Variants in GIGYF1 observed in about 807,000 individuals in gnomAD.
The protein encoded by GIGYF1 is GRB10-interacting GYF protein 1.
Under a neutral mutation model 147.1 loss-of-function variants are expected in GIGYF1, and 84 were observed. The observed-to-expected ratio is 0.57, with a 90% CI of 0.48 to 0.68. The LOEUF (loss-of-function observed/expected upper bound fraction) is 0.68, where lower values mean the gene tolerates loss of function less well. Ranked by LOEUF, GIGYF1 falls within the 30% of genes least tolerant of loss-of-function variation. The pLI is 0.00. For missense variants in GIGYF1, 1,485 were observed against 1,393.7 expected (o/e 1.07, Z -1.04); for synonymous variants, 752 against 589.5 (o/e 1.28, Z -3.99).
At chr7:100,693,180 C>T (rs1049078446) in intron 1 of GIGYF1, among the ~76,000 whole-genome samples, 2 of 152,144 alleles carry the variant, frequency 1.3e-5, no homozygotes, top group Non-Finnish European at 1.5e-5. Flanking sequence ...TGTAGCATCT[C>T]CTAGTTCCTA....
Position 100,685,990 on chromosome 7 carries a change from C to T in GIGYF1, c.1038G>A (p.Glu346=), listed in dbSNP as rs1805292533. 6.2e-7 allele frequency: 1 copy of T among 1,612,364 alleles called. No homozygotes were observed. The highest frequency in any genetic ancestry group is 8.5e-7 in the Non-Finnish European group (1 of 1,179,958). Reference sequence around the variant, plus strand: ...GCGGCTCACCTGCCTCAGGCCCTTCCTCCTCTAGCCCTTCGGAAGGTTCCT... The same window carrying T: ...GCGGCTCACCTGCCTCAGGCCCTTCTTCCTCTAGCCCTTCGGAAGGTTCCT... ...EEEEPSEGLE[E]EGPEAGGKEL... Residue 346 remains glutamate, a synonymous_variant, in exon 12 of 27, where the codon GAG becomes GAA. Transcript: ENST00000678049.
chr7:100,682,729 C>A lies in GIGYF1; in HGVS notation c.2461G>T (p.Ala821Ser), dbSNP rs1329514418. Residue 821 changes from alanine (A) to serine (S), a missense_variant, in exon 23 of 27, where the codon GCT (alanine) becomes TCT (serine). Physicochemically the swap from Ala to Ser is moderately conservative, Grantham distance 99. Transcript: ENST00000678049. Reference protein sequence around the residue: ...TAPLNQWVSEAGPLWGGPDKS... With the variant: ...TAPLNQWVSESGPLWGGPDKS... ...TCTGGCCCGCCCCACAGTGGCCCAG[C>A]CTCAGACACCCACTGGTTCAGGGGG... 3 of 1,561,568 alleles carry A rather than the reference C, an allele frequency of 1.9e-6. No homozygotes were observed. The highest frequency in any genetic ancestry group is 2.6e-6 in the Non-Finnish European group (3 of 1,155,360).
rs1468964842 is a variant in GIGYF1, at chr7:100,680,464, GCCT to G, written c.*1252_*1254del. ...AAGTGGGTGAGCAATAGAAGGGGCA[GCCT>G]CCTCTGACCCAGGAGCCGCACACTT... On this transcript the variant is annotated 3_prime_UTR_variant, in exon 27 of 27. Coordinates refer to ENST00000678049, the MANE Select transcript of GIGYF1 (RefSeq NM_001375765.1). 8 of 152,578 alleles carry G rather than the reference GCCT, an allele frequency of 5.2e-5. No homozygotes were observed. Among genetic ancestry groups the G allele is most frequent in the East Asian group, 3.8e-4 (2 of 5,196 alleles). The allele number at this position is 152,578 out of a possible 1,614,324, so 9.5% of individuals were successfully genotyped here.
At chr7:100,686,486 G>A (rs111505406) in intron 10 of GIGYF1, 53 bp from the exon 11 acceptor site, 10 of 1,534,804 alleles carry the variant, frequency 6.5e-6, no homozygotes, top group African/African-American at 2.7e-5. Flanking sequence ...CGAAGCCAGC[G>A]GCCCCCTCTG....
chr7:100,686,291 T>A lies in GIGYF1; in HGVS notation c.837A>T (p.Arg279=). Residue 279 remains arginine (R), a synonymous_variant, in exon 11 of 27, where the codon CGA becomes CGT. Transcript: ENST00000678049. ...TGTCCTCCTCAAAGCCTTCAGGCGC[T>A]CGGCACCGCCGCAGGTGAGAGCTGC... ...GGGSSHLRRC[R]APEGFEEDKD... 2 of 1,614,006 alleles carry A rather than the reference T, an allele frequency of 1.2e-6. No individual in the cohort carries two copies. Among genetic ancestry groups the A allele is most frequent in the Non-Finnish European group, 1.7e-6 (2 of 1,179,974 alleles).
rs766962523 is a variant in GIGYF1, at chr7:100,685,091, G to A, written c.1248C>T (p.Pro416=). The stretch of plus-strand genomic sequence containing the variant: ...AGCCTTCATCATCCTCCAGATCTCC[G>A]GGTGGGCCAGCAGAGGAGCCCACCC... ...SPGVGSSAGP[P]GDLEDDEGLK... Residue 416 remains proline (P), a synonymous_variant, in exon 14 of 27, where the codon CCC becomes CCT. Transcript: ENST00000678049. 10 of 1,580,436 alleles carry A rather than the reference G, an allele frequency of 6.3e-6. No homozygotes were observed. In the East Asian group the frequency reaches 6.9e-5, roughly 11 times the overall value.
intron 1 of GIGYF1, among the ~76,000 whole-genome samples, chr7:100,692,183 T>C (rs570502772): frequency 6.6e-6 from 1 of 152,370 alleles, no homozygotes; most frequent in East Asian, 1.9e-4. Context: ...GTGAGGACGC[T>C]GAGGCTTAAA....
At chr7:100,687,191 C>G in intron 8 of GIGYF1, 107 bp downstream of exon 8, 2 of 1,456,212 alleles carry the variant, frequency 1.4e-6, no homozygotes, top group South Asian at 1.2e-5. Context: ...GCACCGGGAT[C>G]TCGGACAGGG....
intron 20 of GIGYF1, 36 bp from the exon 21 acceptor site, chr7:100,683,480 G>C (rs1414283981): frequency 3.1e-6 from 5 of 1,614,036 alleles, no homozygotes; most frequent in Non-Finnish European, 4.2e-6. Flanking sequence ...GAGAGCTGCA[G>C]GGGACAGCCT....
Position 100,687,856 on chromosome 7 carries a change from A to T in GIGYF1, c.193T>A (p.Phe65Ile). The T allele has an allele frequency of 6.2e-7, 1 of 1,612,722 alleles. No homozygotes were observed. The highest frequency in any genetic ancestry group is 8.5e-7 in the Non-Finnish European group (1 of 1,179,898). The change falls in exon 6 of 27, where the codon TTC becomes ATC. Residue 65 changes from phenylalanine to isoleucine, a missense_variant. Phe to Ile is a conservative substitution (Grantham distance 21, BLOSUM62 0). Coordinates refer to ENST00000678049, the MANE Select transcript of GIGYF1 (RefSeq NM_001375765.1). ...GGCTCGTCCTGCAGCACCGCGGCGA[A>T]CTCCTTGTCCTGCAGCTCTTCCGGG... The part of the protein sequence containing the change: ...KVPEELQDKE[F>I]AAVLQDEPLQ...
At chr7:100,692,979 G>A (rs943977819) in intron 1 of GIGYF1, among the ~76,000 whole-genome samples, 1 of 152,168 alleles carries the variant, frequency 6.6e-6, no homozygotes, top group Non-Finnish European at 1.5e-5. Flanking sequence ...TGGTACCACC[G>A]ATGGTGTTTC....
chr7:100,686,582 G>A (rs950096992), intron 10 of GIGYF1, 67 bp downstream of exon 10: 44 of 1,542,104 alleles, frequency 2.9e-5, no homozygotes, highest in Non-Finnish European at 3.6e-5. Context: ...GGCTACAGGA[G>A]CCCACCCTCT....
chr7:100,682,490 G>C lies in GIGYF1; in HGVS notation c.2601-8C>G. On this transcript the variant is annotated splice_polypyrimidine_tract_variant and splice_region_variant and intron_variant, in intron 23 of 26. Transcript: ENST00000678049. Reference sequence around the variant, plus strand: ...AGGTGGCTGTATGAGTCACTGAAGGGGGAGGGTGAGTCAGGGTTGGAAATC... The same window carrying C: ...AGGTGGCTGTATGAGTCACTGAAGGCGGAGGGTGAGTCAGGGTTGGAAATC... The C allele has an allele frequency of 1.9e-6, 3 of 1,610,524 alleles. No homozygotes were observed. The highest frequency in any genetic ancestry group is 1.7e-6 in the Non-Finnish European group (2 of 1,179,792).
In GIGYF1 at chr7:100,682,212, T is replaced by G; in HGVS notation, c.2785A>C (p.Lys929Gln). Reference sequence around the variant, plus strand: ...ACATCATAGGGGGATTCCACCTCCTTGAGGATCGCTACAGCCATGGGCACT... The same window carrying G: ...ACATCATAGGGGGATTCCACCTCCTGGAGGATCGCTACAGCCATGGGCACT... ...LDVPMAVAIL[K>Q]EVESPYDVHD... Residue 929 changes from lysine to glutamine, a missense_variant, in exon 25 of 27, where the codon AAG (lysine) becomes CAG (glutamine). Coordinates refer to ENST00000678049, the MANE Select transcript of GIGYF1 (RefSeq NM_001375765.1). 2 of 1,612,782 alleles carry G rather than the reference T, an allele frequency of 1.2e-6. No individual in the cohort carries two copies. Among genetic ancestry groups the G allele is most frequent in the Non-Finnish European group, 1.7e-6 (2 of 1,179,862 alleles).
At position 100,684,799 on chromosome 7, in the gene GIGYF1, T is replaced by C. The variant is rs746576590; in HGVS notation, c.1386A>G (p.Ala462=). 14 of 1,611,312 alleles carry C rather than the reference T, an allele frequency of 8.7e-6. No homozygotes were observed. The highest frequency in any genetic ancestry group is 1.2e-5 in the Non-Finnish European group (14 of 1,179,078). ...GGCTGAGCGGGAGGGCAGTGGCGGC[T>C]GCAGAGTGGCGCAGGCCCTGGGTCT... ...AMQTQGLRHS[A]AATALPLSHG... The change falls in exon 15 of 27, where the codon GCA becomes GCG. Residue 462 remains alanine (A), a synonymous_variant. Transcript: ENST00000678049.
chr7:100,690,006 G>C (rs1180002876), intron 1 of GIGYF1, among the ~76,000 whole-genome samples: 2 of 152,238 alleles, frequency 1.3e-5, no homozygotes, highest in Non-Finnish European at 2.9e-5. Flanking sequence ...GAAGGGTCCA[G>C]AGCCTCAACT....
Position 100,682,782 on chromosome 7 carries a change from A to G in GIGYF1, c.2413-5T>C. 6.6e-7 allele frequency: 1 copy of G among 1,519,110 alleles called. No individual in the cohort carries two copies. Among genetic ancestry groups the G allele is most frequent in the Non-Finnish European group, 8.8e-7 (1 of 1,135,752 alleles). The allele number at this position is 1,519,110 out of a possible 1,614,324, so 94.1% of individuals were successfully genotyped here. A position where few individuals can be genotyped will look rare whatever the true frequency, so the allele number is the denominator to read the frequency against. ...AGTGCCCAGGCCCCCAAGCTGCTACAGATGGCAGAAGATCAGAGTGGCTCA... is the reference window on the plus strand; with the variant it reads ...AGTGCCCAGGCCCCCAAGCTGCTACGGATGGCAGAAGATCAGAGTGGCTCA... On this transcript the variant is annotated splice_polypyrimidine_tract_variant and splice_region_variant and intron_variant, in intron 22 of 26. Coordinates refer to ENST00000678049, the MANE Select transcript of GIGYF1 (RefSeq NM_001375765.1).
In GIGYF1 at chr7:100,685,336, C is replaced by CTT. The variant is rs572029732; in HGVS notation, c.1192+6_1192+7dup. 10 of 1,591,910 alleles carry CTT rather than the reference C, an allele frequency of 6.3e-6. No individual in the cohort carries two copies. The Admixed American group carries it at 1.9e-4, about 30-fold the overall frequency. On this transcript the variant is annotated splice_region_variant and intron_variant, in intron 13 of 26. Transcript: ENST00000678049. ...GCACCCGGGAGGTAGGCCATCCTCC[C>CTT]TTCCTACCTTCGGCCGCTGGGGGCT...
In GIGYF1 at chr7:100,684,263, GTGCTGCAGC is replaced by G; in HGVS notation, c.1695_1703del (p.Gln565_Gln567del). 1 of 1,609,386 alleles carries G rather than the reference GTGCTGCAGC, an allele frequency of 6.2e-7. No homozygotes were observed. The highest frequency in any genetic ancestry group is 8.5e-7 in the Non-Finnish European group (1 of 1,178,758). ...TGCTGACCAGCTGGAGAAACTGCTGGTGCTGCAGCTGCTGGTACAAGGCCGCCGCGGCCA... is the reference window on the plus strand; with the variant it reads ...TGCTGACCAGCTGGAGAAACTGCTGGTGCTGGTACAAGGCCGCCGCGGCCA... On this transcript the variant is annotated inframe_deletion, in exon 17 of 27. Transcript: ENST00000678049.
Sources: allele counts gnomAD v4.1 joint callset (sites outside exome capture counted in the v4.1 genomes callset), GRCh38; gene constraint gnomAD v4.1.1; transcripts MANE v1.5; gene names NCBI Gene and HGNC (gene_info 2026-07-23, HGNC 2026-07-21).